SPAG8: variants seen among roughly 807,000 people sequenced by gnomAD.
SPAG8 encodes the protein sperm associated antigen 8, also known as sperm-associated antigen 8.
Under a neutral mutation model 45.3 loss-of-function variants are expected in SPAG8, and 36 were observed. That is an observed-to-expected ratio of 0.80 (90% confidence interval 0.61 to 1.05). The LOEUF (loss-of-function observed/expected upper bound fraction) is 1.05, where lower values mean the gene tolerates loss of function less well. Ranked by LOEUF, SPAG8 falls within the 50% of genes least tolerant of loss-of-function variation. The pLI is 0.00. For missense variants in SPAG8, 573 were observed against 609.2 expected (o/e 0.94, Z 0.63); for synonymous variants, 227 against 232.6 (o/e 0.98, Z 0.22).
At chr9:35,808,439 G>C, downstream of SPAG8, 3 of 1,529,602 alleles carry the variant, frequency 2.0e-6, no homozygotes, top group Non-Finnish European at 2.7e-6. This position sits in a 1 kb window ranked among gnomAD's most constrained non-coding sequence, Gnocchi z 4.0. Flanking sequence ...TGTCAAGCTT[G>C]TCTCCCTCTA....
chr9:35,808,528 C>T (rs1349785301), downstream of SPAG8: 7 of 1,614,068 alleles, frequency 4.3e-6, no homozygotes, highest in Non-Finnish European at 5.9e-6. The surrounding 1 kb of genome is among the most constrained non-coding windows in gnomAD (Gnocchi z 4.0). Flanking sequence ...ATTGGGGATG[C>T]TTACATGGTG....
rs1563999996 is a variant in SPAG8, at chr9:35,812,118, CG to C, written c.29del (p.Ser10CysfsTer8). Reference protein sequence around the residue: METNESTEGSRSRSRSLDIQ... With the variant: METNESTEGXRSRSRSLDIQ... ...GCGGCTCTCACCGCGACCGCGACCG[CG>C]ATCCCTCCGTAGACTCGTTGGTCTC... On this transcript the variant is annotated frameshift_variant, in exon 1 of 7. Transcript: ENST00000396638. LOFTEE classifies it high-confidence loss of function. The C allele has an allele frequency of 6.2e-7, 1 of 1,609,252 alleles. No homozygotes were observed. The highest frequency in any genetic ancestry group is 1.7e-5 in the Admixed American group (1 of 60,024).
intron 1 of SPAG8, 22 bp downstream of exon 1, chr9:35,812,082 C>CA: frequency 6.2e-7 from 1 of 1,612,164 alleles, no homozygotes; most frequent in South Asian, 1.1e-5. Context: ...CTTATGCCTG[C>CA]AGCCAGAGCT....
rs200021660 is a variant in SPAG8 at position 35,811,789 on chromosome 9, G to T, written c.257C>A (p.Pro86Gln). The part of the protein sequence containing the change: ...TPAPCSEFME[P>Q]SSDPSLLGEP... Reference sequence around the variant, plus strand: ...CCCAAGAAGGCTGGGGTCAGAGGACGGCTCCATGAACTCAGAACAGGGCGC... The same window carrying T: ...CCCAAGAAGGCTGGGGTCAGAGGACTGCTCCATGAACTCAGAACAGGGCGC... The change falls in exon 2 of 7, where the codon CCG (proline) becomes CAG (glutamine). Residue 86 changes from proline to glutamine, a missense_variant. By Grantham distance (76) the Pro-to-Gln change is moderately conservative (BLOSUM62 -1). Transcript: ENST00000396638. 1.9e-6 allele frequency: 3 copies of T among 1,614,188 alleles called. No homozygotes were observed. Among genetic ancestry groups the T allele is most frequent in the Non-Finnish European group, 2.5e-6 (3 of 1,180,010 alleles).
rs111836123 is a variant in SPAG8 at position 35,811,221 on chromosome 9, C to T, written c.825G>A (p.Leu275=). 29 of 1,589,426 alleles carry T rather than the reference C, an allele frequency of 1.8e-5. No homozygotes were observed. In the African/African-American group the frequency reaches 2.0e-4, roughly 11 times the overall value. Residue 275 remains leucine (L), a synonymous_variant, in exon 2 of 7, where the codon TTG becomes TTA. Coordinates refer to ENST00000396638, the MANE Select transcript of SPAG8 (RefSeq NM_001039592.2). ...KGKLMVCYET[L]PRGQCLLYNW... ...TGTAGAGGAGGCACTGGCCCCGCGG[C>T]AAAGTTTCATAGCAAACCATAAGCT...
rs182433601 is a variant in SPAG8 at position 35,809,964 on chromosome 9, C to T, written c.1432G>A (p.Gly478Arg). ...CAGAAAGGAGTCATTCTCCCCCCTC[C>T]ACCACCCAGCCTTCCTCCGGGACAG... The part of the protein sequence containing the change: ...LPCPGGRLGG[G>R]GGRMTPF The change falls in exon 7 of 7, where the codon GGA (glycine) becomes AGA (arginine). Residue 478 changes from glycine (G) to arginine (R), a missense_variant. Physicochemically the swap from Gly to Arg is moderately radical, Grantham distance 125 (BLOSUM62 -2). Transcript: ENST00000396638. This position sits in a 1 kb window ranked among gnomAD's most constrained non-coding sequence, Gnocchi z 4.1. 129 of 1,589,154 alleles carry T rather than the reference C, an allele frequency of 8.1e-5. 1 individual carries two copies. The highest frequency in any genetic ancestry group is 7.7e-4 in the Admixed American group (44 of 56,858).
In SPAG8 at chr9:35,812,258, G is replaced by T; in HGVS notation, c.-111C>A. 1 of 1,240,360 alleles carries T rather than the reference G, an allele frequency of 8.1e-7. No individual in the cohort carries two copies. The highest frequency in any genetic ancestry group is 1.1e-6 in the Non-Finnish European group (1 of 882,670). 76.8% of individuals were successfully genotyped at this position (1,240,360 alleles called of 1,614,324 possible). ...GTGGCGGTGGAGGCAAGTCCTCTGC[G>T]GGGCGGAAGTCTTCAGCCTAGTGCT... On this transcript the variant is annotated 5_prime_UTR_variant, in exon 1 of 7. Coordinates refer to ENST00000396638, the MANE Select transcript of SPAG8 (RefSeq NM_001039592.2).
Position 35,810,773 on chromosome 9 carries a change from G to A in SPAG8, c.1040-91C>T, listed in dbSNP as rs993205652. 17 of 1,602,514 alleles carry A rather than the reference G, an allele frequency of 1.1e-5. No homozygotes were observed. The African/African-American group carries it at 2.1e-4, about 20-fold the overall frequency. On this transcript the variant is annotated intron_variant, in intron 3 of 6. Transcript: ENST00000396638. ...CTTGAGAAAAGGAAGAAGAACCTTG[G>A]GGTTCCGCCCTTATATCCACTGGAG...
rs959642313 is a variant in SPAG8 at position 35,812,246 on chromosome 9, C to T, written c.-99G>A. The T allele has an allele frequency of 1.6e-5, 22 of 1,374,006 alleles. No individual in the cohort carries two copies. The highest frequency in any genetic ancestry group is 1.4e-4 in the African/African-American group (10 of 70,016). The allele number at this position is 1,374,006 out of a possible 1,614,324, so 85.1% of individuals were successfully genotyped here. On this transcript the variant is annotated 5_prime_UTR_variant, in exon 1 of 7. Coordinates refer to ENST00000396638, the MANE Select transcript of SPAG8 (RefSeq NM_001039592.2). ...GCGGACTTGCAGGTGGCGGTGGAGG[C>T]AAGTCCTCTGCGGGGCGGAAGTCTT...
Position 35,812,188 on chromosome 9 carries a change from CA to C in SPAG8, c.-42del. ...ACTGGGTTGCCATAGAGACAGCAAACAACTCCTGGAGCCTGCGCAGAAGTAC... is the reference window on the plus strand; with the variant it reads ...ACTGGGTTGCCATAGAGACAGCAAACACTCCTGGAGCCTGCGCAGAAGTAC... On this transcript the variant is annotated 5_prime_UTR_variant, in exon 1 of 7. Coordinates refer to ENST00000396638, the MANE Select transcript of SPAG8 (RefSeq NM_001039592.2). 1 of 1,598,336 alleles carries C rather than the reference CA, an allele frequency of 6.3e-7. No individual in the cohort carries two copies.
At position 35,810,428 on chromosome 9, in the gene SPAG8, T is replaced by TGGGGGGGG. The variant is rs1828722785; in HGVS notation, c.1200+10_1200+11insCCCCCCCC. 3.5e-6 allele frequency: 5 copies of TGGGGGGGG among 1,440,672 alleles called. No individual in the cohort carries two copies. Among genetic ancestry groups the TGGGGGGGG allele is most frequent in the African/African-American group, 1.4e-5 (1 of 70,654 alleles). The allele number at this position is 1,440,672 out of a possible 1,614,324, so 89.2% of individuals were successfully genotyped here. ...GGTGCAAGTGGCGGGGGATGGGGGG[T>TGGGGGGGG]GGGTTCTCACCTTTGTTGGGGCAGG... On this transcript the variant is annotated intron_variant, in intron 5 of 6. Coordinates refer to ENST00000396638, the MANE Select transcript of SPAG8 (RefSeq NM_001039592.2).
In SPAG8 at chr9:35,812,251, C is replaced by T; in HGVS notation, c.-104G>A. 8 of 1,324,128 alleles carry T rather than the reference C, an allele frequency of 6.0e-6. No individual in the cohort carries two copies. The Admixed American group carries it at 1.2e-4, about 20-fold the overall frequency. 82.0% of individuals were successfully genotyped at this position (1,324,128 alleles called of 1,614,324 possible). On this transcript the variant is annotated 5_prime_UTR_variant, in exon 1 of 7. Transcript: ENST00000396638. The stretch of plus-strand genomic sequence containing the variant: ...CTTGCAGGTGGCGGTGGAGGCAAGT[C>T]CTCTGCGGGGCGGAAGTCTTCAGCC...
At chr9:35,808,968 C>T (rs1828587278), downstream of SPAG8, 2 of 935,198 alleles carry the variant, frequency 2.1e-6, no homozygotes, top group Non-Finnish European at 1.8e-6. This position sits in a 1 kb window ranked among gnomAD's most constrained non-coding sequence, Gnocchi z 4.0. Context: ...AGTGTCGCAT[C>T]CTCGGGCATA....
chr9:35,811,977 G>A lies in SPAG8; in HGVS notation c.69C>T (p.Ser23=), dbSNP rs773884469. 6.3e-7 allele frequency: 1 copy of A among 1,597,576 alleles called. No homozygotes were observed. Residue 23 remains serine (S), a synonymous_variant, in exon 2 of 7, where the codon TCC becomes TCT. Transcript: ENST00000396638. ...RSRSLDIQPS[S]EGLGPTSEPF... is the part of the protein sequence containing the mutation. ...GTTCCGAAGTGGGCCCCAGTCCTTC[G>A]GAGCTGGGCTGTATGTCTAAAGATC...
chr9:35,809,262 T>A (rs1478874675), downstream of SPAG8: 1 of 1,609,962 alleles, frequency 6.2e-7, no homozygotes, highest in Non-Finnish European at 8.5e-7. This position sits in a 1 kb window ranked among gnomAD's most constrained non-coding sequence, Gnocchi z 4.1. Flanking sequence ...TGGCAGGCCA[T>A]GGGGAGGGGG....
rs770402503 is a variant in SPAG8, at chr9:35,811,294, A to G, written c.752T>C (p.Leu251Ser). 2 of 1,613,980 alleles carry G rather than the reference A, an allele frequency of 1.2e-6. No homozygotes were observed. The highest frequency in any genetic ancestry group is 4.5e-5 in the East Asian group (2 of 44,892). ...KQPPWEFLQV[L>S]EPGARGLWKP... is the part of the protein sequence containing the mutation. ...CCATAGTCCTCGGGCACCCGGTTCTAAGACTTGCAAAAATTCCCAAGGTGG... is the reference window on the plus strand; with the variant it reads ...CCATAGTCCTCGGGCACCCGGTTCTGAGACTTGCAAAAATTCCCAAGGTGG... The change falls in exon 2 of 7, where the codon TTA becomes TCA. Residue 251 changes from leucine to serine, a missense_variant. Leu to Ser is a moderately radical substitution (Grantham distance 145). Coordinates refer to ENST00000396638, the MANE Select transcript of SPAG8 (RefSeq NM_001039592.2).
intron 4 of SPAG8, 40 bp from the exon 5 acceptor site, chr9:35,810,593 T>G: frequency 6.2e-7 from 1 of 1,613,984 alleles, no homozygotes; most frequent in Non-Finnish European, 8.5e-7. Context: ...TCTCACCCAA[T>G]TTTTCTCCTC....
At chr9:35,808,414 G>C, downstream of SPAG8, 1 of 1,432,468 alleles carries the variant, frequency 7.0e-7, no homozygotes, top group Non-Finnish European at 9.8e-7. The surrounding 1 kb of genome is among the most constrained non-coding windows in gnomAD (Gnocchi z 4.0). Context: ...AGCATGTCAG[G>C]ATGATTAATG....
downstream of SPAG8, chr9:35,809,067 G>A (rs1215931821): frequency 7.0e-6 from 9 of 1,280,900 alleles, no homozygotes; most frequent in East Asian, 9.2e-5. The surrounding 1 kb of genome is among the most constrained non-coding windows in gnomAD (Gnocchi z 4.1). Context: ...ATGGTTGGTC[G>A]GGCACGGTGC....
Sources: allele counts gnomAD v4.1 joint callset, GRCh38; gene constraint gnomAD v4.1.1; non-coding constraint Gnocchi (gnomAD v3.1); transcripts MANE v1.5; gene names NCBI Gene and HGNC (gene_info 2026-07-23, HGNC 2026-07-21).